The following ADAM18 variants were observed in gnomAD, a reference collection of about 807,000 sequenced individuals.
ADAM18 encodes ADAM metallopeptidase domain 18, also known as disintegrin and metalloproteinase domain-containing protein 18.
A neutral mutation model predicts 94.4 loss-of-function variants in ADAM18; 117 were observed. The observed-to-expected ratio is 1.24, with a 90% CI of 1.07 to 1.45. The LOEUF is 1.45. Among genes scored for constraint, ADAM18 ranks in the 40% most tolerant of loss-of-function variants. The pLI is 0.00. For synonymous variants in ADAM18, 327 were observed against 291.6 expected (o/e 1.12, Z -1.24); for missense variants, 936 against 880.0 (o/e 1.06, Z -0.81).
chr8:39,695,952 T>A (rs1336270295), intron 17 of ADAM18, among the ~76,000 whole-genome samples: 1 of 151,544 alleles, frequency 6.6e-6, no homozygotes, highest in Non-Finnish European at 1.5e-5. Context: ...TGCTGGAGCA[T>A]ATGGTAATTC....
At chr8:39,620,607 C>T (rs1283026460) in intron 6 of ADAM18, among the ~76,000 whole-genome samples, 1 of 145,100 alleles carries the variant, frequency 6.9e-6, no homozygotes, top group African/African-American at 2.5e-5. Context: ...TATTATATAA[C>T]AATTTATATA....
chr8:39,602,408 C>G (rs1818933288), intron 2 of ADAM18, among the ~76,000 whole-genome samples: 1 of 152,086 alleles, frequency 6.6e-6, no homozygotes, highest in South Asian at 2.1e-4. Context: ...TTGCATTACT[C>G]TTATGATTTT....
chr8:39,700,390 T>C (rs1822032655), intron 17 of ADAM18, among the ~76,000 whole-genome samples: 1 of 152,212 alleles, frequency 6.6e-6, no homozygotes, highest in Admixed American at 6.5e-5. Flanking sequence ...CTTGGTCAGA[T>C]GTATGTGACA....
At chr8:39,622,520 A>C (rs976230787) in intron 6 of ADAM18, among the ~76,000 whole-genome samples, 9 of 151,858 alleles carry the variant, frequency 5.9e-5, no homozygotes, top group African/African-American at 2.2e-4. Flanking sequence ...GCACATGAGA[A>C]TCTATCAAGA....
At chr8:39,602,293 A>G (rs567428418) in intron 2 of ADAM18, among the ~76,000 whole-genome samples, 1 of 152,318 alleles carries the variant, frequency 6.6e-6, no homozygotes, top group Non-Finnish European at 1.5e-5. Flanking sequence ...GCATCATTTT[A>G]AATTTCCACC....
At chr8:39,624,927 G>T (rs1156598956) in intron 6 of ADAM18, among the ~76,000 whole-genome samples, 2 of 152,146 alleles carry the variant, frequency 1.3e-5, no homozygotes, top group Non-Finnish European at 2.9e-5. Flanking sequence ...CTGTGGAACC[G>T]TAAGCCAATT....
intron 17 of ADAM18, among the ~76,000 whole-genome samples, chr8:39,701,248 A>G (rs1435425810): frequency 2.0e-5 from 3 of 146,698 alleles, no homozygotes; most frequent in Non-Finnish European, 4.5e-5. Flanking sequence ...TATTTCTGAT[A>G]TATCTTATTT....
rs139936366 is a variant in ADAM18, at chr8:39,627,445, G to T, written c.523-1929G>T. Among the ~76,000 whole-genome samples the T allele has an allele frequency of 2.8e-4, 43 of 152,122 alleles. No homozygotes were observed. In the East Asian group the frequency reaches 8.3e-3, roughly 29 times the overall value. On this transcript the variant is annotated intron_variant, in intron 6 of 19. Coordinates refer to ENST00000265707, the MANE Select transcript of ADAM18 (RefSeq NM_014237.3). ...CAGATGGGGATTATTACCATATTTA[G>T]GTGGGGACACAGTCAAACCATATCA...
intron 2 of ADAM18, among the ~76,000 whole-genome samples, chr8:39,604,409 CAT>C (rs2129578276): frequency 6.6e-6 from 1 of 152,200 alleles, no homozygotes; most frequent in African/African-American, 2.4e-5. Context: ...TTTATTCACA[CAT>C]GATACAGTTT....
chr8:39,657,765 T>A (rs1820727713), intron 12 of ADAM18, among the ~76,000 whole-genome samples: 1 of 152,156 alleles, frequency 6.6e-6, no homozygotes, highest in Non-Finnish European at 1.5e-5. Flanking sequence ...ATCTAAAAAG[T>A]AATATATTGG....
At chr8:39,673,475 AC>A (rs1380335455) in intron 14 of ADAM18, among the ~76,000 whole-genome samples, 5 of 136,848 alleles carry the variant, frequency 3.7e-5, no homozygotes, top group African/African-American at 1.4e-4. Flanking sequence ...CCCACACCCC[AC>A]CCCCCAACAA....
intron 7 of ADAM18, among the ~76,000 whole-genome samples, chr8:39,633,105 C>T (rs1819978424): frequency 6.6e-6 from 1 of 152,154 alleles, no homozygotes; most frequent in East Asian, 1.9e-4. Context: ...CCTCACCAGA[C>T]CTGTTTGTGG....
intron 16 of ADAM18, among the ~76,000 whole-genome samples, chr8:39,689,106 T>C (rs1821695493): frequency 6.6e-6 from 1 of 152,132 alleles, no homozygotes; most frequent in Non-Finnish European, 1.5e-5. Flanking sequence ...CTGGGTATTA[T>C]ACTTTTGTCA....
chr8:39,668,327 A>G, intron 14 of ADAM18, 131 bp downstream of exon 14: 1 of 838,156 alleles, frequency 1.2e-6, no homozygotes, highest in Non-Finnish European at 1.8e-6. Context: ...TTTTAGTTAA[A>G]GAAGAGTAGT....
intron 18 of ADAM18, among the ~76,000 whole-genome samples, chr8:39,722,529 G>A (rs139182609): frequency 5.2e-4 from 78 of 151,054 alleles, no homozygotes; most frequent in African/African-American, 1.8e-3. Flanking sequence ...CCAAAACATT[G>A]GAAGGTGAAA....
chr8:39,689,713 G>GT (rs2129580806), intron 16 of ADAM18, among the ~76,000 whole-genome samples: 1 of 152,214 alleles, frequency 6.6e-6, no homozygotes, highest in East Asian at 1.9e-4. Flanking sequence ...TGAAATAATA[G>GT]TTTTTTCTAG....
At chr8:39,621,039 T>A (rs1585907390) in intron 6 of ADAM18, among the ~76,000 whole-genome samples, 1 of 152,178 alleles carries the variant, frequency 6.6e-6, no homozygotes, top group East Asian at 1.9e-4. Flanking sequence ...GAAAATGTGA[T>A]AATGGACTGA....
intron 10 of ADAM18, among the ~76,000 whole-genome samples, chr8:39,640,700 G>A (rs1820213876): frequency 1.3e-5 from 2 of 151,922 alleles, no homozygotes; most frequent in Non-Finnish European, 2.9e-5. Context: ...GTTGTTTATT[G>A]ACTTTTTAAT....
At chr8:39,616,577 T>C (rs1208023636) in intron 6 of ADAM18, among the ~76,000 whole-genome samples, 1 of 152,084 alleles carries the variant, frequency 6.6e-6, no homozygotes, top group Non-Finnish European at 1.5e-5. Context: ...AATTCTGAGC[T>C]AAAAGAACAA....
Sources: allele counts gnomAD v4.1 joint callset (sites outside exome capture counted in the v4.1 genomes callset), GRCh38; gene constraint gnomAD v4.1.1; transcripts MANE v1.5; gene names NCBI Gene and HGNC (gene_info 2026-07-23, HGNC 2026-07-21).